The following ADARB2 variants were observed in gnomAD, a reference collection of about 807,000 sequenced individuals.
The protein encoded by ADARB2 is adenosine deaminase RNA specific B2 (inactive).
ADARB2 carries 25 observed loss-of-function variants against 62.2 expected under a neutral mutation model. That is an observed-to-expected ratio of 0.40 (90% CI 0.29 to 0.56). ADARB2 has a LOEUF of 0.56. Ranked by LOEUF, ADARB2 falls within the 20% of genes least tolerant of loss-of-function variation. ADARB2 has a pLI of 0.43. For missense variants in ADARB2, 1,071 were observed against 1,077.4 expected (o/e 0.99, Z 0.08); for synonymous variants, 572 against 500.8 (o/e 1.14, Z -1.90).
intron 1 of ADARB2, among the ~76,000 whole-genome samples, chr10:1,532,497 C>T (rs1032010432): frequency 2.3e-4 from 35 of 152,044 alleles, no homozygotes; most frequent in African/African-American, 8.2e-4. Flanking sequence ...CTGCTGTGGG[C>T]CTGTAGCTGG....
At chr10:1,569,755 TATC>T (rs1433411046) in intron 1 of ADARB2, among the ~76,000 whole-genome samples, 2 of 151,980 alleles carry the variant, frequency 1.3e-5, no homozygotes, top group African/African-American at 2.4e-5. Flanking sequence ...TTTTCTAAAG[TATC>T]ATTTTTTTTT....
intron 3 of ADARB2, among the ~76,000 whole-genome samples, chr10:1,362,100 G>C (rs1832263112): frequency 6.6e-6 from 1 of 152,224 alleles, no homozygotes; most frequent in Admixed American, 6.5e-5. Flanking sequence ...AATAGGGTCT[G>C]GAGGCAGGAA....
intron 1 of ADARB2, among the ~76,000 whole-genome samples, chr10:1,423,167 C>G (rs1352964004): frequency 1.3e-5 from 2 of 152,236 alleles, no homozygotes; most frequent in Non-Finnish European, 2.9e-5. Context: ...CAGCTCCCAC[C>G]TTTGCCACCG....
chr10:1,207,060 CTTA>C (rs1395387432), intron 7 of ADARB2, among the ~76,000 whole-genome samples: 4 of 152,210 alleles, frequency 2.6e-5, no homozygotes, highest in Non-Finnish European at 5.9e-5. Context: ...TGTTATGTCA[CTTA>C]AGGCCGGGCG....
rs771031566 is a variant in ADARB2, at chr10:1,737,008, G to C, written c.100+43C>G. ...ATGAGAGGCCGGGGTGGAGAAGCCGGGGGTGAAGGGGGGCAGGGGCCGGCG... is the reference window on the plus strand; with the variant it reads ...ATGAGAGGCCGGGGTGGAGAAGCCGCGGGTGAAGGGGGGCAGGGGCCGGCG... On this transcript the variant is annotated intron_variant, in intron 1 of 9. Transcript: ENST00000381312. 7.5e-6 allele frequency: 12 copies of C among 1,598,592 alleles called. 1 individual carries two copies. Among genetic ancestry groups the C allele is most frequent in the Non-Finnish European group, 1.0e-5 (12 of 1,174,654 alleles).
intron 7 of ADARB2, among the ~76,000 whole-genome samples, chr10:1,201,731 AGC>A (rs1491186385): frequency 5.3e-4 from 80 of 150,734 alleles, no homozygotes; most frequent in African/African-American, 1.6e-3. Flanking sequence ...TTCATTCCAC[AGC>A]GTGTCTGCCT....
chr10:1,408,983 G>A (rs534312675), intron 1 of ADARB2, among the ~76,000 whole-genome samples: 6 of 152,300 alleles, frequency 3.9e-5, no homozygotes, highest in South Asian at 2.1e-4. Context: ...TGGTGGTGGC[G>A]TCAGTGATTG....
intron 3 of ADARB2, among the ~76,000 whole-genome samples, chr10:1,353,416 G>A (rs1832163501): frequency 6.6e-6 from 1 of 151,820 alleles, no homozygotes; most frequent in Admixed American, 6.6e-5. Context: ...ATGCAGACCG[G>A]GCAACATCTC....
intron 3 of ADARB2, chr10:1,291,440 C>A (rs1831464961): frequency 6.6e-6 from 1 of 152,278 alleles, no homozygotes; most frequent in South Asian, 2.1e-4. Flanking sequence ...GGTCGGAGCT[C>A]CTTCACAGCT....
intron 1 of ADARB2, among the ~76,000 whole-genome samples, chr10:1,672,703 GCCCCC>G (rs1415398011): frequency 1.0e-5 from 1 of 95,428 alleles, no homozygotes; most frequent in Non-Finnish European, 2.6e-5. Context: ...CTCCTTCCAG[GCCCCC>G]CGCCTGCCTC....
intron 1 of ADARB2, among the ~76,000 whole-genome samples, chr10:1,512,957 C>A (rs1173231525): frequency 2.6e-5 from 4 of 152,194 alleles, no homozygotes; most frequent in Non-Finnish European, 5.9e-5. Context: ...GTTCACCTGA[C>A]ACATTTACAC....
At chr10:1,451,260 C>A (rs892984485) in intron 1 of ADARB2, among the ~76,000 whole-genome samples, 6 of 152,184 alleles carry the variant, frequency 3.9e-5, no homozygotes, top group African/African-American at 1.4e-4. Context: ...AAGTGCCCTC[C>A]CAGTATGGGA....
At chr10:1,640,262 G>A (rs1833965003) in intron 1 of ADARB2, among the ~76,000 whole-genome samples, 1 of 152,166 alleles carries the variant, frequency 6.6e-6, no homozygotes, top group Non-Finnish European at 1.5e-5. Context: ...TAAGTGGAAG[G>A]GGTTGAGTTC....
chr10:1,379,251 A>C, intron 1 of ADARB2, 91 bp from the exon 2 acceptor site: 1 of 1,088,766 alleles, frequency 9.2e-7, no homozygotes, highest in Non-Finnish European at 1.4e-6. Flanking sequence ...AATGTTGGAC[A>C]AGGGAGGTGG....
chr10:1,318,897 C>T (rs779091275), intron 3 of ADARB2, among the ~76,000 whole-genome samples: 1 of 152,172 alleles, frequency 6.6e-6, no homozygotes, highest in Non-Finnish European at 1.5e-5. Context: ...GCATCTGTTC[C>T]AGCAGAAAAT....
intron 3 of ADARB2, among the ~76,000 whole-genome samples, chr10:1,317,407 G>A (rs1451055345): frequency 1.3e-5 from 2 of 152,140 alleles, no homozygotes; most frequent in African/African-American, 2.4e-5. Context: ...GATTGTCTTC[G>A]TAAGTTGTTG....
chr10:1,505,448 G>T (rs751671437), intron 1 of ADARB2, among the ~76,000 whole-genome samples: 1 of 150,638 alleles, frequency 6.6e-6, no homozygotes, highest in Admixed American at 6.6e-5. Context: ...TTTTATGGTT[G>T]AGTTAGCTGT....
At chr10:1,489,839 G>A (rs566111279) in intron 1 of ADARB2, among the ~76,000 whole-genome samples, 12 of 152,092 alleles carry the variant, frequency 7.9e-5, no homozygotes, top group Non-Finnish European at 1.3e-4. Flanking sequence ...AACACTCTTG[G>A]GTGTCTCTCT....
At chr10:1,724,769 G>C (rs1835142348) in intron 1 of ADARB2, among the ~76,000 whole-genome samples, 1 of 152,222 alleles carries the variant, frequency 6.6e-6, no homozygotes. Flanking sequence ...TTGTGGGAGA[G>C]AGGATGTAAC....
Sources: allele counts gnomAD v4.1 joint callset (sites outside exome capture counted in the v4.1 genomes callset), GRCh38; gene constraint gnomAD v4.1.1; transcripts MANE v1.5; gene names NCBI Gene and HGNC (gene_info 2026-07-23, HGNC 2026-07-21).